NAV3: variants seen among roughly 807,000 people sequenced by gnomAD.
NAV3 encodes the protein neuron navigator 3, also known as pore membrane and/or filament interacting like protein 1.
A neutral mutation model predicts 244.7 loss-of-function variants in NAV3; 87 were observed. That is an observed-to-expected ratio of 0.36 (90% CI 0.30 to 0.42). NAV3 has a LOEUF of 0.42. NAV3 is among the 20% of genes least tolerant of loss of function. The pLI, the probability that NAV3 is intolerant of heterozygous loss-of-function variation, is 1.00. For synonymous variants in NAV3, 1,126 were observed against 1,042.2 expected (o/e 1.08, Z -1.55); for missense variants, 2,663 against 2,893.3 (o/e 0.92, Z 1.83).
chr12:78,204,796 A>C, intron 38 of NAV3, 139 bp from the exon 39 acceptor site: 1 of 699,076 alleles, frequency 1.4e-6, no homozygotes, highest in South Asian at 1.9e-5. Context: ...AATCTGCAAA[A>C]CTGTATACAG....
chr12:77,573,806 T>A (rs1166356781), intron 2 of NAV3, among the ~76,000 whole-genome samples: 1 of 152,158 alleles, frequency 6.6e-6, no homozygotes, highest in Non-Finnish European at 1.5e-5. Context: ...GCTGCTTTTA[T>A]GACAAAAAAG....
intron 34 of NAV3, among the ~76,000 whole-genome samples, chr12:78,195,890 A>T (rs1006387292): frequency 1.3e-5 from 2 of 152,162 alleles, no homozygotes; most frequent in South Asian, 4.1e-4. Context: ...TGCAGGGGAA[A>T]CCAGCCTGAT....
intron 2 of NAV3, among the ~76,000 whole-genome samples, chr12:77,787,687 A>G (rs1261827069): frequency 1.3e-5 from 2 of 152,182 alleles, no homozygotes; most frequent in South Asian, 4.1e-4. Flanking sequence ...CCATGCCACT[A>G]GGATTATGGG....
intron 23 of NAV3, among the ~76,000 whole-genome samples, chr12:78,163,431 GT>G (rs1338622754): frequency 6.6e-6 from 1 of 152,022 alleles, no homozygotes; most frequent in Non-Finnish European, 1.5e-5. Flanking sequence ...ATTAGACTCA[GT>G]ACAATGTCAT....
rs12579094 is a variant in NAV3 at position 77,620,200 on chromosome 12, G to C, written c.72+47934G>C. The stretch of plus-strand genomic sequence containing the variant: ...CTGATTAACTAGCTGTGAAACCTTG[G>C]GCAACTTGTCTCCTCGAGCCTCAGT... On this transcript the variant is annotated intron_variant, in intron 2 of 8. Transcript: ENST00000550042. 1.2e-4 allele frequency among the ~76,000 whole-genome samples: 18 copies of C among 152,140 alleles called. No individual in the cohort carries two copies. In the East Asian group the frequency reaches 3.1e-3, roughly 26 times the overall value.
chr12:77,931,356 C>T (rs1888768880), intron 1 of NAV3, among the ~76,000 whole-genome samples: 1 of 151,340 alleles, frequency 6.6e-6, no homozygotes, highest in African/African-American at 2.4e-5. Flanking sequence ...GTGTATGTAT[C>T]ATTCATTTTC....
intron 12 of NAV3, among the ~76,000 whole-genome samples, chr12:78,064,347 A>G (rs1009271720): frequency 2.0e-5 from 3 of 151,884 alleles, no homozygotes; most frequent in African/African-American, 7.3e-5. Flanking sequence ...TTCATGCTGT[A>G]TTCTCACATG....
intron 2 of NAV3, among the ~76,000 whole-genome samples, chr12:77,601,672 C>T (rs980517195): frequency 6.6e-6 from 1 of 151,920 alleles, no homozygotes; most frequent in Non-Finnish European, 1.5e-5. Flanking sequence ...TAGTAGGAAA[C>T]TTTCAGAAGT....
chr12:77,651,604 T>G (rs191228852), intron 2 of NAV3, among the ~76,000 whole-genome samples: 80 of 152,314 alleles, frequency 5.3e-4, no homozygotes, highest in Admixed American at 1.0e-3. Context: ...TGAGGCTGCT[T>G]CATCAGAAAG....
chr12:77,819,267 C>T (rs1872638669), intron 2 of NAV3, among the ~76,000 whole-genome samples: 2 of 151,866 alleles, frequency 1.3e-5, no homozygotes, highest in African/African-American at 4.8e-5. Context: ...TCACTCATCC[C>T]CTTTTTCTTC....
At chr12:77,949,667 T>C (rs1890690371) in intron 3 of NAV3, among the ~76,000 whole-genome samples, 1 of 152,062 alleles carries the variant, frequency 6.6e-6, no homozygotes, top group African/African-American at 2.4e-5. Context: ...GAGTAGTATA[T>C]TTGTTATAAT....
intron 2 of NAV3, among the ~76,000 whole-genome samples, chr12:77,683,389 A>C (rs1041568873): frequency 1.3e-5 from 2 of 151,656 alleles, no homozygotes; most frequent in South Asian, 4.1e-4. Context: ...TTTTTTTGCC[A>C]GTACCATGCT....
At chr12:78,121,031 T>G (rs1032935198) in intron 15 of NAV3, among the ~76,000 whole-genome samples, 3 of 152,182 alleles carry the variant, frequency 2.0e-5, no homozygotes, top group Admixed American at 6.5e-5. Flanking sequence ...AGAGTAAATA[T>G]TTCTGTTTCT....
intron 1 of NAV3, among the ~76,000 whole-genome samples, chr12:77,858,757 C>G (rs568006530): frequency 5.3e-5 from 8 of 152,040 alleles, no homozygotes. Flanking sequence ...GCTACATAAG[C>G]ATCCACAATG....
intron 22 of NAV3, 50 bp downstream of exon 22, chr12:78,148,969 A>G (rs1956969353): frequency 3.5e-6 from 5 of 1,443,830 alleles, no homozygotes; most frequent in Non-Finnish European, 4.8e-6. Flanking sequence ...TTATAGAGGA[A>G]AATGAAATCA....
chr12:77,854,117 A>T (rs371827147), intron 1 of NAV3, among the ~76,000 whole-genome samples: 1 of 152,156 alleles, frequency 6.6e-6, no homozygotes, highest in Admixed American at 6.5e-5. Context: ...TGAATTTCAG[A>T]TGCCTTATCA....
At chr12:77,939,457 A>G (rs1457968999) in intron 1 of NAV3, among the ~76,000 whole-genome samples, 1 of 152,200 alleles carries the variant, frequency 6.6e-6, no homozygotes, top group Non-Finnish European at 1.5e-5. Context: ...CTGTTACACC[A>G]CATCATAGAG....
At chr12:77,583,335 C>T (rs1869454019) in intron 2 of NAV3, among the ~76,000 whole-genome samples, 1 of 152,148 alleles carries the variant, frequency 6.6e-6, no homozygotes, top group African/African-American at 2.4e-5. Flanking sequence ...GTAAGGCCTC[C>T]ATCTTTTAAC....
At chr12:77,779,127 T>C (rs928672577) in intron 2 of NAV3, among the ~76,000 whole-genome samples, 1 of 152,250 alleles carries the variant, frequency 6.6e-6, no homozygotes, top group Non-Finnish European at 1.5e-5. Context: ...ATCTGTCATA[T>C]TTCTTGTTTC....
Sources: gnomAD v4.1 joint callset for allele counts (sites outside exome capture counted in the v4.1 genomes callset) on GRCh38, gnomAD v4.1.1 for gene constraint, MANE v1.5 for transcripts, NCBI Gene and HGNC (gene_info 2026-07-23, HGNC 2026-07-21) for gene names.